Variants in DNAJC6 observed in about 807,000 individuals in gnomAD.
DNAJC6 encodes DnaJ heat shock protein family (Hsp40) member C6, also known as auxilin.
A neutral mutation model predicts 110.0 loss-of-function variants in DNAJC6; 34 were observed. That is an observed-to-expected ratio of 0.31 (90% CI 0.24 to 0.41). DNAJC6 has a LOEUF of 0.41. Among genes scored for constraint, DNAJC6 ranks in the 10% least tolerant of loss-of-function variants. DNAJC6 has a pLI of 1.00. For synonymous variants in DNAJC6, 406 were observed against 437.2 expected (o/e 0.93, Z 0.89); for missense variants, 1,031 against 1,207.8 (o/e 0.85, Z 2.17).
chr1:65,311,082 A>ATGT (rs1645094877), intron 1 of DNAJC6, among the ~76,000 whole-genome samples: 1 of 152,186 alleles, frequency 6.6e-6, no homozygotes, highest in African/African-American at 2.4e-5. Context: ...AGATGCTCAA[A>ATGT]TGTCCTGGGC....
At chr1:65,275,676 T>A (rs1465795090) in intron 1 of DNAJC6, among the ~76,000 whole-genome samples, 1 of 152,144 alleles carries the variant, frequency 6.6e-6, no homozygotes, top group African/African-American at 2.4e-5. Context: ...TCTCTCTTTC[T>A]GGGACTCCGG....
exon 1 of DNAJC6, chr1:65,264,851 C>A: frequency 6.2e-7 from 1 of 1,607,966 alleles, no homozygotes; most frequent in South Asian, 1.1e-5. Flanking sequence ...AATCAAAAGT[C>A]AGGGTTGCAG....
chr1:65,393,230 T>C (rs1241356750), intron 12 of DNAJC6, among the ~76,000 whole-genome samples: 1 of 152,224 alleles, frequency 6.6e-6, no homozygotes, highest in Non-Finnish European at 1.5e-5. Flanking sequence ...AGACATGGAA[T>C]TTAATACTAA....
In DNAJC6 at chr1:65,272,181, T is replaced by C. The variant is rs577242957; in HGVS notation, c.-131+7249T>C. Among the ~76,000 whole-genome samples the C allele has an allele frequency of 7.2e-5, 11 of 152,326 alleles. No homozygotes were observed. In the South Asian group the frequency reaches 2.1e-3, roughly 29 times the overall value. On this transcript the variant is annotated intron_variant, in intron 1 of 19. Coordinates refer to the DNAJC6 transcript ENST00000263441. The stretch of plus-strand genomic sequence containing the variant: ...ACATTTTCACCATTAAGTACAACAT[T>C]TGATGTGGGATTTATATGGACACTT...
intron 14 of DNAJC6, among the ~76,000 whole-genome samples, chr1:65,399,253 G>A (rs1445441982): frequency 2.0e-5 from 3 of 151,902 alleles, no homozygotes; most frequent in African/African-American, 4.9e-5. Context: ...AGTTGTGTAA[G>A]TTTAAATAAA....
chr1:65,351,858 A>C (rs1645492945), intron 1 of DNAJC6, among the ~76,000 whole-genome samples: 1 of 152,052 alleles, frequency 6.6e-6, no homozygotes, highest in Non-Finnish European at 1.5e-5. Flanking sequence ...CTCTGCCTTC[A>C]GGTTCAAGCA....
intron 1 of DNAJC6, among the ~76,000 whole-genome samples, chr1:65,278,303 G>T (rs904502928): frequency 2.0e-5 from 3 of 152,134 alleles, no homozygotes; most frequent in African/African-American, 7.2e-5. Flanking sequence ...GGCAATTCTA[G>T]TAAATGATCA....
In DNAJC6 at chr1:65,374,993, C is replaced by T. The variant is rs181026567; in HGVS notation, c.544-4409C>T. The stretch of plus-strand genomic sequence containing the variant: ...TCTGAGGATTTTTTTTTTTTTGAGA[C>T]GGAGTTTTGCTGTCACCCAGGCTGG... On this transcript the variant is annotated intron_variant, in intron 4 of 18. Coordinates refer to ENST00000371069, the MANE Select transcript of DNAJC6 (RefSeq NM_001256864.2). Among the ~76,000 whole-genome samples, 515 of 132,602 alleles carry T rather than the reference C, an allele frequency of 3.9e-3. 3 individuals are homozygous for T. Among genetic ancestry groups the T allele is most frequent in the Admixed American group, 6.2e-3 (83 of 13,334 alleles). 87.0% of individuals were successfully genotyped at this position (132,602 alleles called of 152,430 possible). A position where few individuals can be genotyped will look rare whatever the true frequency, so the allele number is the denominator to read the frequency against.
chr1:65,297,468 A>G (rs1420166191), intron 1 of DNAJC6, among the ~76,000 whole-genome samples: 1 of 152,254 alleles, frequency 6.6e-6, no homozygotes, highest in East Asian at 1.9e-4. Context: ...GTCCAGCTTT[A>G]GTAGTCCATA....
At chr1:65,264,845 A>G (rs1653261979) in exon 1 of DNAJC6, 7 of 1,605,868 alleles carry the variant, frequency 4.4e-6, no homozygotes, top group Non-Finnish European at 6.0e-6. Flanking sequence ...ATGACAAATC[A>G]AAAGTCAGGG....
chr1:65,372,989 A>G (rs538691173), intron 4 of DNAJC6, among the ~76,000 whole-genome samples: 1 of 152,216 alleles, frequency 6.6e-6, no homozygotes, highest in Non-Finnish European at 1.5e-5. Context: ...GGCCTCTGGT[A>G]ACTACTAATC....
intron 1 of DNAJC6, among the ~76,000 whole-genome samples, chr1:65,354,763 A>G (rs558247291): frequency 6.6e-6 from 1 of 152,336 alleles, no homozygotes; most frequent in South Asian, 2.1e-4. Flanking sequence ...ATATATATCA[A>G]TGTAAAATAT....
intron 1 of DNAJC6, among the ~76,000 whole-genome samples, chr1:65,266,642 T>G (rs1653341275): frequency 6.6e-6 from 1 of 152,080 alleles, no homozygotes. Context: ...CTAGGAAGAA[T>G]GTTGGATTTT....
At chr1:65,388,543 C>A in intron 9 of DNAJC6, 128 bp downstream of exon 9, 1 of 799,618 alleles carries the variant, frequency 1.3e-6, no homozygotes, top group African/African-American at 1.7e-5. Flanking sequence ...CACTCAGTAG[C>A]ACAGAGAGGC....
intron 1 of DNAJC6, among the ~76,000 whole-genome samples, chr1:65,303,787 C>A (rs984631717): frequency 6.6e-6 from 1 of 152,030 alleles, no homozygotes; most frequent in Non-Finnish European, 1.5e-5. Flanking sequence ...GTTGGCCAGG[C>A]TGGTCTCGAA....
intron 1 of DNAJC6, among the ~76,000 whole-genome samples, chr1:65,355,835 A>C (rs1262508372): frequency 6.7e-6 from 1 of 149,876 alleles, no homozygotes; most frequent in Non-Finnish European, 1.5e-5. Flanking sequence ...GGCTTGCTAG[A>C]CACATCTCCA....
At chr1:65,389,695 C>T (rs1645907315) in intron 11 of DNAJC6, 68 bp downstream of exon 11, 21 of 1,546,496 alleles carry the variant, frequency 1.4e-5, no homozygotes, top group Non-Finnish European at 1.8e-5. Flanking sequence ...AAGATGTTGG[C>T]CCTAGAAGCA....
At chr1:65,279,440 A>G (rs1388052435) in intron 1 of DNAJC6, 2 of 152,212 alleles carry the variant, frequency 1.3e-5, no homozygotes, top group African/African-American at 4.8e-5. Flanking sequence ...AAACAGAGTG[A>G]AGACTATTTC....
rs1312055301 is a variant in DNAJC6, at chr1:65,380,911, G to GTTTTTTTT, written c.666+1391_666+1392insTTTTTTTT. ...GGGAGTTTTTTTTTTTTTGTTTTTT[G>GTTTTTTTT]TTTTGTTTTGTTTTTTTTTTTTTTT... On this transcript the variant is annotated intron_variant, in intron 5 of 18. Coordinates refer to ENST00000371069, the MANE Select transcript of DNAJC6 (RefSeq NM_001256864.2). Among the ~76,000 whole-genome samples the GTTTTTTTT allele has an allele frequency of 7.7e-4, 88 of 114,862 alleles. 2 individuals carry two copies. The highest frequency in any genetic ancestry group is 9.8e-4 in the Non-Finnish European group (60 of 61,444). 75.4% of individuals were successfully genotyped at this position (114,862 alleles called of 152,430 possible). A position where few individuals can be genotyped will look rare whatever the true frequency, so the allele number is the denominator to read the frequency against.
Sources: gnomAD v4.1 joint callset for allele counts (sites outside exome capture counted in the v4.1 genomes callset) on GRCh38, gnomAD v4.1.1 for gene constraint, MANE v1.5 for transcripts, NCBI Gene and HGNC (gene_info 2026-07-23, HGNC 2026-07-21) for gene names.